KPNB1: variants seen among roughly 807,000 people sequenced by gnomAD.
KPNB1 encodes the protein karyopherin subunit beta 1.
Under a neutral mutation model 113.0 loss-of-function variants are expected in KPNB1, and 7 were observed. The observed-to-expected ratio is 0.06, with a 90% CI of 0.04 to 0.12. The LOEUF is 0.12. Among genes scored for constraint, KPNB1 ranks in the 10% least tolerant of loss-of-function variants. KPNB1 has a pLI of 1.00. For synonymous variants in KPNB1, 363 were observed against 378.6 expected, an observed-to-expected ratio of 0.96 and a Z score of 0.48; for missense variants, 400 against 1,054.8, an observed-to-expected ratio of 0.38 and a Z score of 8.60.
chr17:47,659,746 G>A (rs988887755), intron 5 of KPNB1, among the ~76,000 whole-genome samples: 1 of 152,040 alleles, frequency 6.6e-6, no homozygotes, highest in African/African-American at 2.4e-5. Context: ...GTGTTTTTAA[G>A]AAACAGGATA....
intron 3 of KPNB1, among the ~76,000 whole-genome samples, chr17:47,655,239 G>A (rs11870935): frequency 0.51 from 77,255 of 152,004 alleles, 20,147 homozygotes; most frequent in East Asian, 0.66. Context: ...GTAATAATTA[G>A]CTCTAGGTCA....
intron 12 of KPNB1, among the ~76,000 whole-genome samples, 175 bp from the exon 13 acceptor site, chr17:47,672,843 A>G (rs771076716): frequency 6.6e-6 from 1 of 152,244 alleles, no homozygotes; most frequent in Non-Finnish European, 1.5e-5. Context: ...CATAATGAAC[A>G]TAGCCATTGG....
In KPNB1 at chr17:47,668,171, A is replaced by G. The variant is rs757419686; in HGVS notation, c.1000-15A>G. On this transcript the variant is annotated splice_polypyrimidine_tract_variant and intron_variant, in intron 9 of 21. Transcript: ENST00000290158. ...TTTGGACAAAATCTTAACTAGTGCCATATTCTTTCACCAGGACGAAAATGA... is the reference window on the plus strand; with the variant it reads ...TTTGGACAAAATCTTAACTAGTGCCGTATTCTTTCACCAGGACGAAAATGA... 54 of 1,608,144 alleles carry G rather than the reference A, an allele frequency of 3.4e-5. No individual in the cohort carries two copies. Among genetic ancestry groups the G allele is most frequent in the Non-Finnish European group, 4.6e-5 (54 of 1,175,194 alleles).
rs201848863 is a variant in KPNB1, at chr17:47,673,197, G to A, written c.1695+32G>A. 5.0e-5 allele frequency: 80 copies of A among 1,609,612 alleles called. No homozygotes were observed. In the African/African-American group the frequency reaches 1.0e-3, roughly 21 times the overall value. On this transcript the variant is annotated intron_variant, in intron 13 of 21. Coordinates refer to ENST00000290158, the MANE Select transcript of KPNB1 (RefSeq NM_002265.6). ...CCTAAGAGTGCCCCTGACTATGGGTGGGAATTGGGTAGTACTTTTGACACC... is the reference window on the plus strand; with the variant it reads ...CCTAAGAGTGCCCCTGACTATGGGTAGGAATTGGGTAGTACTTTTGACACC...
At chr17:47,664,571 C>T (rs74966440) in intron 8 of KPNB1, among the ~76,000 whole-genome samples, 3,046 of 152,200 alleles carry the variant, frequency 0.02, 82 homozygotes, top group East Asian at 0.15. Context: ...GAATTATTTC[C>T]TTTTGGAAGT....
intron 14 of KPNB1, among the ~76,000 whole-genome samples, chr17:47,674,293 G>A (rs1017977112): frequency 1.3e-5 from 2 of 152,128 alleles, no homozygotes; most frequent in Non-Finnish European, 2.9e-5. Context: ...AAGGTGATAG[G>A]GCCTTCTCTA....
chr17:47,663,057 T>C (rs756496721), intron 6 of KPNB1, 32 bp from the exon 7 acceptor site: 13 of 1,167,736 alleles, frequency 1.1e-5, no homozygotes, highest in South Asian at 7.3e-5. Flanking sequence ...GTTGTTATTT[T>C]AGTAAACTAT....
Position 47,665,134 on chromosome 17 carries a change from C to A in KPNB1, c.975C>A (p.Ile325=), listed in dbSNP as rs1289686376. ...GAGCACTACAGTATCTGGTTCCAAT[C>A]CTCACACAGACACTAACTAAACAGG... The part of the protein sequence containing the change: ...AKGALQYLVP[I]LTQTLTKQDE... Residue 325 remains isoleucine (I), a synonymous_variant, in exon 9 of 22, where the codon ATC becomes ATA. Transcript: ENST00000290158. The A allele has an allele frequency of 2.5e-6, 4 of 1,613,852 alleles. No homozygotes were observed. The African/African-American group carries it at 5.3e-5, about 22-fold the overall frequency.
intron 9 of KPNB1, among the ~76,000 whole-genome samples, chr17:47,667,821 G>A (rs2030336558): frequency 6.6e-6 from 1 of 152,080 alleles, no homozygotes; most frequent in African/African-American, 2.4e-5. Flanking sequence ...GCCTCCCAAA[G>A]TGCTGGGATT....
At chr17:47,670,855 G>A in intron 12 of KPNB1, 23 bp downstream of exon 12, 1 of 1,585,992 alleles carries the variant, frequency 6.3e-7, no homozygotes, top group South Asian at 1.1e-5. Flanking sequence ...TCACAGAAAT[G>A]AGTGACGTCT....
chr17:47,674,495 A>G (rs989886194), intron 14 of KPNB1, 143 bp from the exon 15 acceptor site: 4 of 737,556 alleles, frequency 5.4e-6, no homozygotes, highest in African/African-American at 5.3e-5. Flanking sequence ...TGGTACTGTC[A>G]ATGTTTTTGT....
Position 47,663,164 on chromosome 17 carries a change from C to A in KPNB1, c.772C>A (p.Pro258Thr). 6.5e-7 allele frequency: 1 copy of A among 1,544,152 alleles called. No homozygotes were observed. The highest frequency in any genetic ancestry group is 1.1e-5 in the South Asian group (1 of 89,602). ...YYQYMETYMG[P>T]ALFAITIEAM... ...TCAGTACATGGAGACATATATGGGT[C>A]CTGCTCTTTTTGCAGTAAGTATTTC... is the stretch of plus-strand genomic sequence containing the variant. Residue 258 changes from proline to threonine, a missense_variant, in exon 7 of 22, where the codon CCT becomes ACT. Physicochemically the swap from Pro to Thr is conservative, Grantham distance 38 (BLOSUM62 -1). Coordinates refer to ENST00000290158, the MANE Select transcript of KPNB1 (RefSeq NM_002265.6).
intron 9 of KPNB1, among the ~76,000 whole-genome samples, chr17:47,667,867 CT>C (rs1330339539): frequency 6.6e-6 from 1 of 152,080 alleles, no homozygotes; most frequent in Non-Finnish European, 1.5e-5. Context: ...CGATTTTGGA[CT>C]TTACATAACT....
chr17:47,673,412 A>G (rs2030508172), intron 13 of KPNB1, 78 bp from the exon 14 acceptor site: 2 of 1,210,184 alleles, frequency 1.7e-6, no homozygotes, highest in Non-Finnish European at 2.5e-6. Context: ...CTATGTTAGT[A>G]TTAGGGAAGA....
rs866053805 is a variant in KPNB1 at position 47,650,025 on chromosome 17, G to A, written c.-220G>A. 3.7e-6 allele frequency: 5 copies of A among 1,342,448 alleles called. No homozygotes were observed. The highest frequency in any genetic ancestry group is 2.0e-5 in the South Asian group (1 of 50,944). 83.2% of individuals were successfully genotyped at this position (1,342,448 alleles called of 1,614,324 possible). On this transcript the variant is annotated 5_prime_UTR_variant, in exon 1 of 22. Transcript: ENST00000290158. ...CTGCCCCCAGGGTCCCTCCCCCGCC[G>A]CCAGCAGCCCATTTGGAGGGAGGAA...
intron 3 of KPNB1, 81 bp downstream of exon 3, chr17:47,652,957 A>G: frequency 1.8e-6 from 2 of 1,092,790 alleles, no homozygotes; most frequent in Non-Finnish European, 2.6e-6. Flanking sequence ...TTTGCATGGG[A>G]TAGAGCTAAC....
At chr17:47,678,948 G>A (rs1486074636) in intron 19 of KPNB1, among the ~76,000 whole-genome samples, 1 of 151,780 alleles carries the variant, frequency 6.6e-6, no homozygotes, top group East Asian at 1.9e-4. Context: ...TTTGGAGACA[G>A]TCTCACTCTC....
chr17:47,672,000 C>G (rs2030463079), intron 12 of KPNB1: 1 of 147,164 alleles, frequency 6.8e-6, no homozygotes, highest in South Asian at 2.2e-4. Context: ...AGGAAGAGAG[C>G]TGAGCACAAA....
intron 15 of KPNB1, 92 bp from the exon 16 acceptor site, chr17:47,676,317 G>A: frequency 3.4e-6 from 3 of 872,916 alleles, no homozygotes; most frequent in East Asian, 2.4e-5. Context: ...AGTGGAGCGA[G>A]TACATTTTGG....
Sources: allele counts gnomAD v4.1 joint callset (sites outside exome capture counted in the v4.1 genomes callset), GRCh38; gene constraint gnomAD v4.1.1; transcripts MANE v1.5; gene names NCBI Gene and HGNC (gene_info 2026-07-23, HGNC 2026-07-21).